Variants in SYNDIG1 observed in about 807,000 individuals in gnomAD.
SYNDIG1 encodes synapse differentiation inducing 1.
Under a neutral mutation model 19.4 loss-of-function variants are expected in SYNDIG1, and 9 were observed. That is an observed-to-expected ratio of 0.46 (90% CI 0.28 to 0.81). SYNDIG1 has a LOEUF of 0.81. Among genes scored for constraint, SYNDIG1 ranks in the 30% least tolerant of loss-of-function variants. The pLI is 0.12. For synonymous variants in SYNDIG1, 141 were observed against 145.9 expected (o/e 0.97, Z 0.24); for missense variants, 311 against 343.3 (o/e 0.91, Z 0.74).
intron 3 of SYNDIG1, among the ~76,000 whole-genome samples, chr20:24,631,357 G>T (rs968712691): frequency 1.3e-5 from 2 of 152,200 alleles, no homozygotes; most frequent in African/African-American, 4.8e-5. Flanking sequence ...GGCAGGTGGA[G>T]GCAGCAAAGG....
intron 1 of SYNDIG1, among the ~76,000 whole-genome samples, chr20:24,476,172 G>A (rs946750740): frequency 6.6e-6 from 1 of 152,092 alleles, no homozygotes; most frequent in Admixed American, 6.6e-5. Context: ...AATGTGCATA[G>A]TATCTTAACA....
intron 3 of SYNDIG1, among the ~76,000 whole-genome samples, chr20:24,605,706 C>T (rs1387281224): frequency 2.0e-5 from 3 of 151,946 alleles, no homozygotes; most frequent in Non-Finnish European, 4.4e-5. Context: ...TTTTTTTCCA[C>T]TGATAGGTGA....
intron 3 of SYNDIG1, among the ~76,000 whole-genome samples, chr20:24,614,769 T>A (rs1324739689): frequency 6.6e-6 from 1 of 152,212 alleles, no homozygotes; most frequent in Non-Finnish European, 1.5e-5. Context: ...GACAAATTGT[T>A]GTCAAGCAGA....
At chr20:24,481,221 C>T (rs892304243) in intron 1 of SYNDIG1, among the ~76,000 whole-genome samples, 1 of 152,128 alleles carries the variant, frequency 6.6e-6, no homozygotes, top group South Asian at 2.1e-4. Flanking sequence ...TGTTGCATAA[C>T]AGACTGCCCC....
intron 2 of SYNDIG1, among the ~76,000 whole-genome samples, chr20:24,544,717 G>T (rs2146737821): frequency 6.6e-6 from 1 of 152,182 alleles, no homozygotes; most frequent in East Asian, 1.9e-4. Flanking sequence ...GAAAAGGAGG[G>T]GTTCGTGTTG....
chr20:24,600,436 A>G (rs1172592066), intron 3 of SYNDIG1, among the ~76,000 whole-genome samples: 1 of 152,104 alleles, frequency 6.6e-6, no homozygotes. Context: ...TGGGACCCCC[A>G]GGGTAGAAGG....
chr20:24,564,901 C>T (rs747198546), intron 2 of SYNDIG1, among the ~76,000 whole-genome samples: 2 of 152,216 alleles, frequency 1.3e-5, no homozygotes, highest in Non-Finnish European at 2.9e-5. Flanking sequence ...AAGATGTTTT[C>T]CTCCTGGATA....
intron 1 of SYNDIG1, among the ~76,000 whole-genome samples, chr20:24,491,027 C>T (rs377579081): frequency 9.2e-5 from 14 of 152,318 alleles, no homozygotes; most frequent in Middle Eastern, 3.4e-3. Flanking sequence ...CGTCTGGTTG[C>T]TGTGGCAGGT....
chr20:24,632,204 C>A (rs923749836), intron 3 of SYNDIG1, among the ~76,000 whole-genome samples: 3 of 152,104 alleles, frequency 2.0e-5, no homozygotes, highest in Admixed American at 1.3e-4. Context: ...TCTGTGAATT[C>A]CCTGCTGCGT....
chr20:24,513,290 G>A (rs1165955844), intron 1 of SYNDIG1, among the ~76,000 whole-genome samples: 2 of 152,240 alleles, frequency 1.3e-5, no homozygotes, highest in African/African-American at 4.8e-5. Flanking sequence ...ACTTTGACAA[G>A]CTGAGAGAAG....
At chr20:24,642,837 C>T (rs550791508) in intron 3 of SYNDIG1, among the ~76,000 whole-genome samples, 16 of 152,028 alleles carry the variant, frequency 1.1e-4, no homozygotes, top group South Asian at 2.1e-4. Flanking sequence ...GAATAGGGTT[C>T]GAAACCAAGA....
In SYNDIG1 at chr20:24,644,583, A is replaced by G. The variant is rs148010041; in HGVS notation, c.619-20763A>G. On this transcript the variant is annotated intron_variant, in intron 3 of 3. Coordinates refer to ENST00000376862, the MANE Select transcript of SYNDIG1 (RefSeq NM_024893.3). ...TCTTGGAGTCCTGAGCTGCAATGTA[A>G]GAAATCTTCCTCCCTGAGACCTCCA... Among the ~76,000 whole-genome samples the G allele has an allele frequency of 2.1e-3, 315 of 152,330 alleles. 2 individuals carry two copies. The Middle Eastern group carries it at 0.027, about 13-fold the overall frequency.
chr20:24,507,137 A>G (rs531017568), intron 1 of SYNDIG1, among the ~76,000 whole-genome samples: 74 of 152,188 alleles, frequency 4.9e-4, no homozygotes, highest in East Asian at 3.3e-3. Context: ...CAGCTGGGCA[A>G]TGGGCCCCAG....
intron 1 of SYNDIG1, among the ~76,000 whole-genome samples, chr20:24,529,787 G>C (rs967780695): frequency 2.0e-5 from 3 of 151,774 alleles, no homozygotes; most frequent in African/African-American, 2.4e-5. Context: ...CAGTGGTGGG[G>C]ACGGTGATAG....
chr20:24,650,841 CT>C (rs913539140), intron 3 of SYNDIG1, among the ~76,000 whole-genome samples: 3 of 21,940 alleles, frequency 1.4e-4, no homozygotes, highest in Non-Finnish European at 1.6e-4. Flanking sequence ...TTGTTTCTTT[CT>C]TTTTTTTTTT....
intron 1 of SYNDIG1, chr20:24,491,871 C>A (rs985970680): frequency 6.6e-6 from 1 of 152,228 alleles, no homozygotes; most frequent in African/African-American, 2.4e-5. Flanking sequence ...GAGGACCTTC[C>A]ATCAGGAAGC....
At chr20:24,594,928 G>T (rs1307967418) in intron 3 of SYNDIG1, among the ~76,000 whole-genome samples, 1 of 152,122 alleles carries the variant, frequency 6.6e-6, no homozygotes, top group African/African-American at 2.4e-5. Context: ...GAGACTATGG[G>T]TTTTTCTAAG....
intron 1 of SYNDIG1, among the ~76,000 whole-genome samples, chr20:24,486,180 C>G (rs940780750): frequency 3.3e-5 from 5 of 152,118 alleles, no homozygotes; most frequent in Non-Finnish European, 7.3e-5. Flanking sequence ...TTTATGAAAT[C>G]AAAAGAAAAG....
chr20:24,525,286 C>CTT (rs11471122), intron 1 of SYNDIG1, among the ~76,000 whole-genome samples: 97 of 106,524 alleles, frequency 9.1e-4, no homozygotes, highest in Middle Eastern at 4.7e-3. Context: ...TCTTCTTCTT[C>CTT]TTTTTTTTTT....
Sources: allele counts gnomAD v4.1 joint callset (sites outside exome capture counted in the v4.1 genomes callset), GRCh38; gene constraint gnomAD v4.1.1; transcripts MANE v1.5; gene names NCBI Gene and HGNC (gene_info 2026-07-23, HGNC 2026-07-21).